Variants in AMOTL1 observed in about 807,000 individuals in gnomAD.
AMOTL1 encodes angiomotin like 1.
In AMOTL1, 45 loss-of-function variants were observed where a neutral mutation model predicts 102.9. The observed-to-expected ratio is 0.44, with a 90% CI of 0.34 to 0.56. AMOTL1 has a LOEUF of 0.56. AMOTL1 is among the 20% of genes least tolerant of loss of function. The pLI is 0.01. For synonymous variants in AMOTL1, 481 were observed against 484.7 expected (o/e 0.99, Z 0.10); for missense variants, 1,114 against 1,225.6 (o/e 0.91, Z 1.36).
In AMOTL1 at chr11:94,798,546, A is replaced by G. The variant is rs145821341; in HGVS notation, c.200-844A>G. ...TTGGGCGAGGAAGACATGTTGAGTT[A>G]GAAGGACTCAGGGCCATCGTCTGGC... On this transcript the variant is annotated intron_variant, in intron 2 of 12. Coordinates refer to ENST00000433060, the MANE Select transcript of AMOTL1 (RefSeq NM_130847.3). Among the ~76,000 whole-genome samples the G allele has an allele frequency of 1.1e-4, 16 of 152,284 alleles. No homozygotes were observed. In the East Asian group the frequency reaches 3.1e-3, roughly 29 times the overall value.
At chr11:94,789,072 T>A (rs1031972620) in intron 1 of AMOTL1, among the ~76,000 whole-genome samples, 3 of 152,172 alleles carry the variant, frequency 2.0e-5, no homozygotes, top group Admixed American at 6.5e-5. Flanking sequence ...AGGTAATGGT[T>A]GCTTGGGGGA....
At chr11:94,757,932 C>T (rs1565341311) in intron 3 of AMOTL1, among the ~76,000 whole-genome samples, 1 of 152,150 alleles carries the variant, frequency 6.6e-6, no homozygotes, top group East Asian at 1.9e-4. Context: ...CATGGTGGCG[C>T]ATGCCTGCAA....
At chr11:94,867,470 G>A (rs1472067341) in intron 11 of AMOTL1, among the ~76,000 whole-genome samples, 1 of 152,210 alleles carries the variant, frequency 6.6e-6, no homozygotes, top group Non-Finnish European at 1.5e-5. Flanking sequence ...TGGTGTCTGT[G>A]CCCGTATGCC....
chr11:94,721,962 A>C (rs1950181148), intron 1 of AMOTL1, among the ~76,000 whole-genome samples: 1 of 152,060 alleles, frequency 6.6e-6, no homozygotes, highest in Non-Finnish European at 1.5e-5. Context: ...ATAATCAGAG[A>C]GCTGTGGCCA....
intron 11 of AMOTL1, among the ~76,000 whole-genome samples, chr11:94,867,167 C>T (rs997975829): frequency 1.3e-5 from 2 of 152,120 alleles, no homozygotes; most frequent in Non-Finnish European, 2.9e-5. Context: ...CATATGAACC[C>T]GACAGAGTTG....
intron 8 of AMOTL1, among the ~76,000 whole-genome samples, chr11:94,858,496 C>T (rs563741756): frequency 6.6e-6 from 1 of 152,214 alleles, no homozygotes; most frequent in African/African-American, 2.4e-5. Context: ...ATTCCCCAGT[C>T]CTTTTCTTAA....
intron 4 of AMOTL1, among the ~76,000 whole-genome samples, chr11:94,829,677 T>C (rs1267498811): frequency 6.6e-6 from 1 of 152,240 alleles, no homozygotes; most frequent in Non-Finnish European, 1.5e-5. Context: ...TTTCTTTTTT[T>C]GTACTTTAAT....
At chr11:94,776,586 G>A (rs1215991489) in intron 1 of AMOTL1, among the ~76,000 whole-genome samples, 2 of 152,150 alleles carry the variant, frequency 1.3e-5, no homozygotes. Context: ...CTTTCTCTTT[G>A]TGAGGTAGGG....
intron 3 of AMOTL1, among the ~76,000 whole-genome samples, chr11:94,756,990 C>A (rs1203430966): frequency 1.5e-4 from 1 of 6,460 alleles, no homozygotes; most frequent in African/African-American, 2.4e-4. Flanking sequence ...CCTAACCTAG[C>A]CCATTTTTTT....
In AMOTL1 at chr11:94,732,586, G is replaced by A. The variant is rs140172722; in HGVS notation, c.85+3531G>A. ...AGGGAGACAGTGTTTGGCCACTGTC[G>A]CATTTCTGACTGTTGCATTACAAGT... On this transcript the variant is annotated intron_variant, in intron 2 of 4. Transcript: ENST00000299004. 9.3e-4 allele frequency among the ~76,000 whole-genome samples: 141 copies of A among 152,256 alleles called. 1 individual carries two copies. The highest frequency in any genetic ancestry group is 3.3e-3 in the African/African-American group (138 of 41,562).
chr11:94,872,963 A>G lies in AMOTL1; in HGVS notation c.*2168A>G, dbSNP rs911469161. ...CTTAAGGACATTTTGACCCCAGTTT[A>G]TGTTGGGGATGGACCAGAAAGGAAA... On this transcript the variant is annotated 3_prime_UTR_variant, in exon 13 of 13. Transcript: ENST00000433060. 1 of 152,198 alleles carries G rather than the reference A, an allele frequency of 6.6e-6. No individual in the cohort carries two copies. Among genetic ancestry groups the G allele is most frequent in the Non-Finnish European group, 1.5e-5 (1 of 68,044 alleles). The allele number at this position is 152,198 out of a possible 1,614,324, so 9.4% of individuals were successfully genotyped here.
At chr11:94,724,069 G>A (rs142060388) in intron 1 of AMOTL1, among the ~76,000 whole-genome samples, 36 of 152,250 alleles carry the variant, frequency 2.4e-4, no homozygotes, top group African/African-American at 8.4e-4. Context: ...CTAGATGACG[G>A]AGATCTTAAG....
At chr11:94,743,567 A>G (rs1950553720) in intron 3 of AMOTL1, among the ~76,000 whole-genome samples, 1 of 151,380 alleles carries the variant, frequency 6.6e-6, no homozygotes, top group Non-Finnish European at 1.5e-5. Flanking sequence ...GGGAGCACAG[A>G]TGAGCACAGG....
Position 94,870,914 on chromosome 11 carries a change from T to G in AMOTL1, c.*119T>G. 1.3e-6 allele frequency: 1 copy of G among 752,102 alleles called. No homozygotes were observed. Among genetic ancestry groups the G allele is most frequent in the Non-Finnish European group, 2.1e-6 (1 of 486,150 alleles). 46.6% of individuals were successfully genotyped at this position (752,102 alleles called of 1,614,324 possible). A position where few individuals can be genotyped will look rare whatever the true frequency, so the allele number is the denominator to read the frequency against. On this transcript the variant is annotated 3_prime_UTR_variant, in exon 13 of 13. Transcript: ENST00000433060. ...CAGGAATGATTTGAACTGATAAAGA[T>G]TTCAGACTCATAAGAACACATTTTA...
chr11:94,821,083 T>C (rs1951856460), intron 3 of AMOTL1, among the ~76,000 whole-genome samples: 1 of 152,096 alleles, frequency 6.6e-6, no homozygotes, highest in Non-Finnish European at 1.5e-5. Flanking sequence ...CTTCACCCGC[T>C]CTGTCCAAAC....
At chr11:94,753,959 G>A (rs982627568) in intron 3 of AMOTL1, among the ~76,000 whole-genome samples, 2 of 152,202 alleles carry the variant, frequency 1.3e-5, no homozygotes, top group African/African-American at 2.4e-5. Flanking sequence ...CATTTACAAC[G>A]TGGAGTTCTA....
chr11:94,831,199 C>T (rs1256373648), intron 5 of AMOTL1, among the ~76,000 whole-genome samples: 1 of 152,162 alleles, frequency 6.6e-6, no homozygotes, highest in East Asian at 1.9e-4. Flanking sequence ...TTTTTCTCAG[C>T]ACCTCTCCCT....
chr11:94,862,991 C>T (rs1478615722), intron 9 of AMOTL1, among the ~76,000 whole-genome samples: 1 of 152,124 alleles, frequency 6.6e-6, no homozygotes, highest in African/African-American at 2.4e-5. Flanking sequence ...ACATATGAAA[C>T]TTGCAGGAGT....
chr11:94,851,008 A>G (rs1952526169), intron 7 of AMOTL1, among the ~76,000 whole-genome samples: 1 of 152,252 alleles, frequency 6.6e-6, no homozygotes, highest in Non-Finnish European at 1.5e-5. Context: ...TTCAAACACA[A>G]GGATAAAGCA....
Sources: gnomAD v4.1 joint callset for allele counts (sites outside exome capture counted in the v4.1 genomes callset) on GRCh38, gnomAD v4.1.1 for gene constraint, MANE v1.5 for transcripts, NCBI Gene and HGNC (gene_info 2026-07-23, HGNC 2026-07-21) for gene names.